Variants in CCSER1 observed in about 807,000 individuals in gnomAD.
CCSER1 encodes the protein coiled-coil serine rich protein 1.
A neutral mutation model predicts 82.0 loss-of-function variants in CCSER1; 41 were observed. The ratio of observed to expected loss-of-function variants is 0.50; its 90% CI spans 0.39 to 0.65. The LOEUF (loss-of-function observed/expected upper bound fraction) is 0.65, where lower values mean the gene tolerates loss of function less well. CCSER1 is among the 30% of genes least tolerant of loss of function. The probability of loss-of-function intolerance (pLI) is 0.00; values close to 1 mark genes in which losing one functional copy is unlikely to be tolerated. For synonymous variants in CCSER1, 414 were observed against 383.9 expected, an observed-to-expected ratio of 1.08 and a Z score of -0.92; for missense variants, 1,119 against 1,064.2, an observed-to-expected ratio of 1.05 and a Z score of -0.72.
intron 9 of CCSER1, among the ~76,000 whole-genome samples, chr4:91,010,483 T>A (rs546734502): frequency 7.3e-6 from 1 of 137,060 alleles, no homozygotes; most frequent in South Asian, 2.3e-4. Flanking sequence ...TTCTAGCAAT[T>A]ACAGCATTAA....
At chr4:90,787,299 T>G (rs1754641930) in intron 7 of CCSER1, among the ~76,000 whole-genome samples, 1 of 152,162 alleles carries the variant, frequency 6.6e-6, no homozygotes, top group Non-Finnish European at 1.5e-5. Flanking sequence ...TCCTGAGGCC[T>G]TTCCCTGAGA....
At chr4:91,212,244 A>G (rs1428930150) in intron 10 of CCSER1, among the ~76,000 whole-genome samples, 1 of 151,792 alleles carries the variant, frequency 6.6e-6, no homozygotes, top group Non-Finnish European at 1.5e-5. Context: ...ATGCCTAATC[A>G]TTATTCTAGG....
At chr4:90,585,761 C>T (rs1002281221) in intron 5 of CCSER1, among the ~76,000 whole-genome samples, 2 of 151,982 alleles carry the variant, frequency 1.3e-5, no homozygotes, top group African/African-American at 4.8e-5. Flanking sequence ...ATTTCTCAGC[C>T]CTGATATTTC....
intron 1 of CCSER1, among the ~76,000 whole-genome samples, chr4:90,305,333 G>C (rs1472653702): frequency 1.3e-5 from 2 of 152,154 alleles, no homozygotes; most frequent in African/African-American, 4.8e-5. Flanking sequence ...TGACATTCAT[G>C]CATTGAAGTC....
intron 10 of CCSER1, among the ~76,000 whole-genome samples, chr4:91,466,602 A>G (rs1190471274): frequency 6.6e-6 from 1 of 152,064 alleles, no homozygotes; most frequent in East Asian, 1.9e-4. Flanking sequence ...TATTTAGAAA[A>G]CCCCATCATC....
intron 1 of CCSER1, among the ~76,000 whole-genome samples, chr4:90,186,447 A>G (rs1560763536): frequency 6.6e-6 from 1 of 152,010 alleles, no homozygotes; most frequent in South Asian, 2.1e-4. Flanking sequence ...TTTCATCTAC[A>G]TCAGTGTCTG....
chr4:91,434,968 G>A (rs1398430547), intron 10 of CCSER1, among the ~76,000 whole-genome samples: 7 of 152,130 alleles, frequency 4.6e-5, no homozygotes, highest in Admixed American at 6.5e-5. Flanking sequence ...TAACATGGCC[G>A]TAGAGTTCTG....
intron 1 of CCSER1, among the ~76,000 whole-genome samples, chr4:90,268,782 C>G (rs968770988): frequency 1.3e-5 from 2 of 151,814 alleles, no homozygotes; most frequent in Non-Finnish European, 2.9e-5. Flanking sequence ...CAAGACCAAA[C>G]GATCTGTTGC....
chr4:90,612,901 G>GGT (rs1206447993), intron 5 of CCSER1, among the ~76,000 whole-genome samples: 1 of 152,054 alleles, frequency 6.6e-6, no homozygotes, highest in Non-Finnish European at 1.5e-5. Context: ...GCATAGCATT[G>GGT]GTGTATTTTG....
At chr4:91,050,903 C>A (rs561432511) in intron 9 of CCSER1, among the ~76,000 whole-genome samples, 1 of 152,082 alleles carries the variant, frequency 6.6e-6, no homozygotes, top group Admixed American at 6.6e-5. Context: ...ATTTGGAATA[C>A]CCTCTGTATT....
intron 1 of CCSER1, among the ~76,000 whole-genome samples, chr4:90,206,130 A>G (rs1738781601): frequency 6.6e-6 from 1 of 151,868 alleles, no homozygotes; most frequent in Admixed American, 6.6e-5. Flanking sequence ...CTATTTTGTA[A>G]TCTTTTCAAA....
chr4:91,485,517 C>G (rs1247485163), intron 10 of CCSER1, among the ~76,000 whole-genome samples: 2 of 152,042 alleles, frequency 1.3e-5, no homozygotes, highest in African/African-American at 4.8e-5. Flanking sequence ...GAAACAGGAG[C>G]CAGCGGTTGA....
chr4:90,765,597 AT>A (rs561421787), intron 7 of CCSER1, among the ~76,000 whole-genome samples: 40 of 152,074 alleles, frequency 2.6e-4, no homozygotes, highest in African/African-American at 9.6e-4. Context: ...GTCTCATATA[AT>A]TTTTTTTAAT....
At chr4:90,188,871 A>G (rs1395419944) in intron 1 of CCSER1, among the ~76,000 whole-genome samples, 4 of 152,044 alleles carry the variant, frequency 2.6e-5, no homozygotes, top group Admixed American at 1.3e-4. Context: ...GAATTAGGAT[A>G]GGAGACTATT....
At chr4:90,318,827 T>C (rs1393909925) in intron 3 of CCSER1, among the ~76,000 whole-genome samples, 1 of 152,252 alleles carries the variant, frequency 6.6e-6, no homozygotes, top group Non-Finnish European at 1.5e-5. Context: ...TAAATATTTA[T>C]TGACAATCTG....
In CCSER1 at chr4:91,490,927, TAA is replaced by T. The variant is rs3044011; in HGVS notation, c.2218-107642_2218-107641del. On this transcript the variant is annotated intron_variant, in intron 10 of 10. Transcript: ENST00000509176. ...ATATATATATATATATATATATATA[TAA>T]AATATGCGTCTACTATGTACCCATA... 2.2e-4 allele frequency among the ~76,000 whole-genome samples: 18 copies of T among 82,916 alleles called. 1 individual carries two copies. Among genetic ancestry groups the T allele is most frequent in the East Asian group, 1.7e-3 (4 of 2,338 alleles). 54.4% of individuals were successfully genotyped at this position (82,916 alleles called of 152,430 possible).
intron 7 of CCSER1, among the ~76,000 whole-genome samples, chr4:90,758,342 A>C (rs1311126768): frequency 2.9e-5 from 4 of 135,782 alleles, no homozygotes; most frequent in African/African-American, 1.4e-4. Flanking sequence ...TTTATCTTTG[A>C]TATTGCTAAT....
chr4:90,183,276 AAC>A (rs908154951), intron 1 of CCSER1, among the ~76,000 whole-genome samples: 2 of 151,678 alleles, frequency 1.3e-5, no homozygotes, highest in Non-Finnish European at 1.5e-5. Context: ...ATGACCTCCA[AAC>A]ACACACACAC....
At chr4:90,832,706 C>T (rs2149828965) in intron 8 of CCSER1, among the ~76,000 whole-genome samples, 1 of 152,130 alleles carries the variant, frequency 6.6e-6, no homozygotes, top group Middle Eastern at 3.4e-3. Flanking sequence ...AAATCCACAC[C>T]AAAGGATGCT....
Sources: gnomAD v4.1 joint callset for allele counts (sites outside exome capture counted in the v4.1 genomes callset) on GRCh38, gnomAD v4.1.1 for gene constraint, MANE v1.5 for transcripts, NCBI Gene and HGNC (gene_info 2026-07-23, HGNC 2026-07-21) for gene names.